Variants in TRPM7 observed in about 807,000 individuals in gnomAD.
TRPM7 encodes LTRPC ion channel family member 7.
TRPM7 carries 134 observed loss-of-function variants against 229.7 expected under a neutral mutation model. The ratio of observed to expected loss-of-function variants is 0.58; its 90% CI spans 0.51 to 0.67. TRPM7 has a LOEUF of 0.67. TRPM7 is among the 30% of genes least tolerant of loss of function. The pLI is 0.00. For synonymous variants in TRPM7, 699 were observed against 715.2 expected (o/e 0.98, Z 0.36); for missense variants, 1,901 against 2,210.0 (o/e 0.86, Z 2.80).
Position 50,643,520 on chromosome 15 carries a change from C to A in TRPM7, c.355G>T (p.Val119Phe), listed in dbSNP as rs1248558369. ...TCTTTAAGCAGAAGTTGCAGAATGACTTCAGGTTTGGTGTCATATGATAGC... is the reference window on the plus strand; with the variant it reads ...TCTTTAAGCAGAAGTTGCAGAATGAATTCAGGTTTGGTGTCATATGATAGC... ...VRLSYDTKPE[V>F]ILQLLLKEWQ... Residue 119 changes from valine to phenylalanine, a missense_variant, in exon 5 of 39, where the codon GTC (valine) becomes TTC (phenylalanine). Val to Phe is a conservative substitution (Grantham distance 50, BLOSUM62 -1). Around this residue, in one of 8 missense-constraint regions of TRPM7, gnomAD observed 794 missense variants for 881.9 expected, o/e 0.90. Transcript: ENST00000646667. The A allele has an allele frequency of 6.2e-7, 1 of 1,613,958 alleles. No individual in the cohort carries two copies. Among genetic ancestry groups the A allele is most frequent in the African/African-American group, 1.3e-5 (1 of 74,888 alleles).
Position 50,619,727 on chromosome 15 carries a change from CA to C in TRPM7, c.1494+17del, listed in dbSNP as rs2060335274. The C allele has an allele frequency of 1.9e-6, 3 of 1,541,376 alleles. No individual in the cohort carries two copies. Among genetic ancestry groups the C allele is most frequent in the Non-Finnish European group, 2.6e-6 (3 of 1,150,688 alleles). ...TTTTTAAAATAACATTTTTCAAAAG[CA>C]AAAAATAATCTCTTACCTGTTTGAC... On this transcript the variant is annotated intron_variant, in intron 13 of 38. Coordinates refer to ENST00000646667, the MANE Select transcript of TRPM7 (RefSeq NM_017672.6).
chr15:50,613,883 C>T, intron 14 of TRPM7, 42 bp from the exon 15 acceptor site: 1 of 1,585,930 alleles, frequency 6.3e-7, no homozygotes, highest in Non-Finnish European at 8.5e-7. Flanking sequence ...TTTAAACGTG[C>T]TGACATGTTA....
Position 50,605,036 on chromosome 15 carries a change from CA to C in TRPM7, c.2817del (p.Phe939LeufsTer3). On this transcript the variant is annotated frameshift_variant, in exon 21 of 39. Coordinates refer to ENST00000646667, the MANE Select transcript of TRPM7 (RefSeq NM_017672.6). LOFTEE classifies it high-confidence loss of function. ...TIAIISFFIG[F>X]GLRFGAKWNF... ...TTCCATTTTGCTCCAAATCTTAGTC[CA>C]AATCCAATGAAGAAAGAAATTATGG... 6.2e-7 allele frequency: 1 copy of C among 1,613,790 alleles called. No individual in the cohort carries two copies. The highest frequency in any genetic ancestry group is 8.5e-7 in the Non-Finnish European group (1 of 1,179,884).
At chr15:50,685,523 A>G (rs1016059861) in intron 1 of TRPM7, among the ~76,000 whole-genome samples, 1 of 152,232 alleles carries the variant, frequency 6.6e-6, no homozygotes, top group African/African-American at 2.4e-5. Flanking sequence ...TCAAAGTATT[A>G]CTACATTTGT....
intron 23 of TRPM7, among the ~76,000 whole-genome samples, chr15:50,595,244 A>G (rs1462072309): frequency 6.6e-6 from 1 of 150,480 alleles, no homozygotes; most frequent in African/African-American, 2.4e-5. Context: ...GCAACCATTA[A>G]AAAAAAAATA....
chr15:50,596,445 T>C, intron 22 of TRPM7, 64 bp from the exon 23 acceptor site: 2 of 1,187,040 alleles, frequency 1.7e-6, no homozygotes, highest in Non-Finnish European at 1.1e-6. Context: ...CAGTAACTGC[T>C]ATTCATGAGT....
intron 29 of TRPM7, 21 bp from the exon 30 acceptor site, chr15:50,580,929 A>G: frequency 6.4e-7 from 1 of 1,573,642 alleles, no homozygotes; most frequent in African/African-American, 1.4e-5. Context: ...AAAAAAACAC[A>G]CACACACAAA....
intron 11 of TRPM7, 66 bp downstream of exon 11, chr15:50,628,083 C>T: frequency 8.7e-7 from 1 of 1,151,480 alleles, no homozygotes; most frequent in Non-Finnish European, 1.3e-6. Context: ...GGTCACAGTT[C>T]CCGCAAATAC....
intron 4 of TRPM7, among the ~76,000 whole-genome samples, chr15:50,646,241 C>T (rs1441169223): frequency 1.3e-5 from 2 of 152,080 alleles, no homozygotes; most frequent in East Asian, 1.9e-4. Flanking sequence ...CATCAGAACA[C>T]GGAGGCAGGC....
At chr15:50,666,970 G>A (rs899191188) in intron 1 of TRPM7, among the ~76,000 whole-genome samples, 16 of 152,210 alleles carry the variant, frequency 1.1e-4, no homozygotes, top group African/African-American at 3.9e-4. Context: ...TTTACTGTAT[G>A]GATTCGCCTC....
intron 4 of TRPM7, among the ~76,000 whole-genome samples, chr15:50,647,180 G>T (rs1479788529): frequency 6.6e-6 from 1 of 152,042 alleles, no homozygotes; most frequent in Non-Finnish European, 1.5e-5. Flanking sequence ...ACCCAGGCTG[G>T]AGTGCAGTGG....
rs1246612003 is a variant in TRPM7, at chr15:50,557,184, G to A, written c.*4494C>T. The A allele has an allele frequency of 2.0e-5, 3 of 152,212 alleles. No individual in the cohort carries two copies. Among genetic ancestry groups the A allele is most frequent in the Non-Finnish European group, 4.4e-5 (3 of 68,034 alleles). The allele number at this position is 152,212 out of a possible 1,614,324, so 9.4% of individuals were successfully genotyped here. ...TTCAAGTGGTAAATAGCCATTTATT[G>A]AGTATTCTTGCTTTGATTGTCTACG... is the stretch of plus-strand genomic sequence containing the variant. On this transcript the variant is annotated 3_prime_UTR_variant, in exon 39 of 39. Coordinates refer to ENST00000646667, the MANE Select transcript of TRPM7 (RefSeq NM_017672.6).
intron 3 of TRPM7, among the ~76,000 whole-genome samples, chr15:50,657,539 G>C (rs1182674390): frequency 6.6e-6 from 1 of 151,944 alleles, no homozygotes; most frequent in African/African-American, 2.4e-5. Flanking sequence ...CACTGCTCTC[G>C]CTGCCTAAAA....
chr15:50,650,346 CA>C (rs950413089), intron 3 of TRPM7, among the ~76,000 whole-genome samples: 3 of 151,794 alleles, frequency 2.0e-5, no homozygotes, highest in African/African-American at 7.3e-5. Flanking sequence ...TCATAACACA[CA>C]AGGCTTATGA....
intron 1 of TRPM7, among the ~76,000 whole-genome samples, chr15:50,671,326 C>G (rs77092124): frequency 0.029 from 4,366 of 152,136 alleles, 230 homozygotes; most frequent in African/African-American, 0.1. Context: ...CTTTCTGTTC[C>G]TGGCTTATTT....
In TRPM7 at chr15:50,624,268, A is replaced by G; in HGVS notation, c.1338T>C (p.Ala446=). The part of the protein sequence containing the change: ...VGSLEQAMLD[A]LVMDRVAFVK... ...CAAATGCAACTCTATCCATTACAAG[A>G]GCATCAAGCATAGCTTGTTCCAAGG... is the stretch of plus-strand genomic sequence containing the variant. The change falls in exon 12 of 39, where the codon GCT becomes GCC. Residue 446 remains alanine (A), a synonymous_variant. Transcript: ENST00000646667. 3 of 1,611,470 alleles carry G rather than the reference A, an allele frequency of 1.9e-6. No homozygotes were observed. The highest frequency in any genetic ancestry group is 2.5e-6 in the Non-Finnish European group (3 of 1,178,904).
chr15:50,563,011 C>A (rs377259489), intron 38 of TRPM7, among the ~76,000 whole-genome samples: 2 of 152,034 alleles, frequency 1.3e-5, no homozygotes, highest in Non-Finnish European at 2.9e-5. Flanking sequence ...GTGTGCTTTG[C>A]GAATGGTAAG....
At chr15:50,635,477 C>T (rs982960510) in intron 7 of TRPM7, among the ~76,000 whole-genome samples, 3 of 151,222 alleles carry the variant, frequency 2.0e-5, no homozygotes, top group Non-Finnish European at 4.4e-5. Context: ...TCCTGGCTAA[C>T]ATGGTGAAAC....
At chr15:50,665,599 A>C (rs2061859399) in intron 1 of TRPM7, among the ~76,000 whole-genome samples, 1 of 152,206 alleles carries the variant, frequency 6.6e-6, no homozygotes, top group African/African-American at 2.4e-5. Flanking sequence ...AAATTCTTAG[A>C]AGTGAATAAT....
Sources: gnomAD v4.1 joint callset for allele counts (sites outside exome capture counted in the v4.1 genomes callset) on GRCh38, gnomAD v4.1.1 for gene constraint, gnomAD v4.1.1 regional missense constraint, MANE v1.5 for transcripts, NCBI Gene and HGNC (gene_info 2026-07-23, HGNC 2026-07-21) for gene names.